ZNF557: variants seen among roughly 807,000 people sequenced by gnomAD.
ZNF557 encodes CTB-25J19.9.
ZNF557 carries 19 observed loss-of-function variants against 21.2 expected under a neutral mutation model. The ratio of observed to expected loss-of-function variants is 0.90; its 90% CI spans 0.63 to 1.32. The LOEUF (loss-of-function observed/expected upper bound fraction) is 1.32, where lower values mean the gene tolerates loss of function less well. Among genes scored for constraint, ZNF557 ranks in the 40% most tolerant of loss-of-function variants. ZNF557 has a pLI of 0.00. For synonymous variants in ZNF557, 207 were observed against 194.8 expected (o/e 1.06, Z -0.52); for missense variants, 487 against 519.8 (o/e 0.94, Z 0.61).
At chr19:7,077,166 C>T (rs188174249) in intron 5 of ZNF557, among the ~76,000 whole-genome samples, 89 of 76,010 alleles carry the variant, frequency 1.2e-3, no homozygotes, top group African/African-American at 3.3e-3. Context: ...GATGGAGTTT[C>T]ACTCTGTTAC....
At chr19:7,075,133 A>C in intron 3 of ZNF557, 28 bp downstream of exon 3, 1 of 1,613,940 alleles carries the variant, frequency 6.2e-7, no homozygotes, top group Non-Finnish European at 8.5e-7. Flanking sequence ...GGCAGTTCTC[A>C]GAGTCCAGGC....
Position 7,083,480 on chromosome 19 carries a change from T to C in ZNF557, c.1029T>C (p.Thr343=), listed in dbSNP as rs577565521. 1 of 1,614,226 alleles carries C rather than the reference T, an allele frequency of 6.2e-7. No homozygotes were observed. Among genetic ancestry groups the C allele is most frequent in the Admixed American group, 1.7e-5 (1 of 60,018 alleles). ...SNLTQHIRTH[T]GEKPYTCNEC... ...TGACACAGCACATAAGAACTCATAC[T>C]GGAGAAAAACCCTACACATGTAATG... The change falls in exon 8 of 8, where the codon ACT becomes ACC. Residue 343 remains threonine, a synonymous_variant. Coordinates refer to ENST00000252840, the MANE Select transcript of ZNF557 (RefSeq NM_024341.3).
In ZNF557 at chr19:7,081,150, GGTGTGTGTGTGTGTGT is replaced by G. The variant is rs531191945; in HGVS notation, c.248-174_248-159del. Among the ~76,000 whole-genome samples the G allele has an allele frequency of 3.2e-3, 441 of 139,178 alleles. 3 individuals carry two copies. Among genetic ancestry groups the G allele is most frequent in the Middle Eastern group, 0.014 (4 of 282 alleles). The allele number at this position is 139,178 out of a possible 152,430, so 91.3% of individuals were successfully genotyped here. On this transcript the variant is annotated intron_variant, in intron 5 of 7. Transcript: ENST00000252840. ...CAACCACCCTAGATATTGCTTGTGG[GGTGTGTGTGTGTGTGT>G]GTGTGTGTGTGTGTGTGTGTGTGTG... is the stretch of plus-strand genomic sequence containing the variant.
intron 5 of ZNF557, among the ~76,000 whole-genome samples, chr19:7,079,398 C>T (rs2967666): frequency 1.4e-4 from 21 of 148,614 alleles, no homozygotes; most frequent in East Asian, 6.0e-4. Context: ...CCCACCACCA[C>T]GCCTCGCTAA....
Position 7,087,716 on chromosome 19 carries a change from G to GTGTA in ZNF557, c.*3975_*3976insATGT. 1 of 151,984 alleles carries GTGTA rather than the reference G, an allele frequency of 6.6e-6. No homozygotes were observed. Among genetic ancestry groups the GTGTA allele is most frequent in the Non-Finnish European group, 1.5e-5 (1 of 68,064 alleles). The allele number at this position is 151,984 out of a possible 1,614,324, so 9.4% of individuals were successfully genotyped here. The stretch of plus-strand genomic sequence containing the variant: ...AGAGAGAGAGAGTGTGTGTGTGTGT[G>GTGTA]TGTGTGTTTGGTTGGGGGGTGTTGT... On this transcript the variant is annotated 3_prime_UTR_variant, in exon 8 of 8. Transcript: ENST00000252840.
intron 5 of ZNF557, among the ~76,000 whole-genome samples, chr19:7,080,895 T>C (rs1977685394): frequency 6.6e-6 from 1 of 152,170 alleles, no homozygotes; most frequent in Non-Finnish European, 1.5e-5. Context: ...CATTACTTCG[T>C]TTAAGTCCTT....
rs897731761 is a variant in ZNF557, at chr19:7,074,877, AG to A, written c.-79-116del. The A allele has an allele frequency of 2.5e-5, 16 of 628,932 alleles. No homozygotes were observed. In the East Asian group the frequency reaches 5.3e-4, roughly 21 times the overall value. The allele number at this position is 628,932 out of a possible 1,614,324, so 39.0% of individuals were successfully genotyped here. A position where few individuals can be genotyped will look rare whatever the true frequency, so the allele number is the denominator to read the frequency against. ...GGGCAGGAGGGGGGGTGACCGAGGCAGGGCACGGGCAGGAGACGGGGTGACC... is the reference window on the plus strand; with the variant it reads ...GGGCAGGAGGGGGGGTGACCGAGGCAGGCACGGGCAGGAGACGGGGTGACC... On this transcript the variant is annotated intron_variant, in intron 2 of 7. Transcript: ENST00000252840.
intron 5 of ZNF557, among the ~76,000 whole-genome samples, chr19:7,077,774 G>A (rs547188349): frequency 6.6e-6 from 1 of 152,226 alleles, no homozygotes; most frequent in Non-Finnish European, 1.5e-5. Flanking sequence ...CATGAGACCA[G>A]CAACGTATTA....
In ZNF557 at chr19:7,083,613, C is replaced by G; in HGVS notation, c.1162C>G (p.Leu388Val). Residue 388 changes from leucine to valine, a missense_variant, in exon 8 of 8, where the codon CTC (leucine) becomes GTC (valine). Transcript: ENST00000252840. ...TGATTGTGGAAAATCCTTTAATGTT[C>G]TCTCATCCGTTAAGAAACACATGAG... is the stretch of plus-strand genomic sequence containing the variant. ...CSDCGKSFNV[L>V]SSVKKHMRTH... 10 of 1,614,060 alleles carry G rather than the reference C, an allele frequency of 6.2e-6. No individual in the cohort carries two copies. The highest frequency in any genetic ancestry group is 1.1e-5 in the South Asian group (1 of 91,070).
In ZNF557 at chr19:7,075,642, TCTC is replaced by T. The variant is rs762561440; in HGVS notation, c.32-5_32-3del. On this transcript the variant is annotated splice_polypyrimidine_tract_variant and intron_variant, in intron 3 of 7. Coordinates refer to ENST00000252840, the MANE Select transcript of ZNF557 (RefSeq NM_024341.3). ...CAGGTGTGGATTCCTGGTACTCATTTCTCCTCCTCCAGCTCTGTCTTCCCTGTT... is the reference window on the plus strand; with the variant it reads ...CAGGTGTGGATTCCTGGTACTCATTTCTCCTCCAGCTCTGTCTTCCCTGTT... 8 of 1,612,496 alleles carry T rather than the reference TCTC, an allele frequency of 5.0e-6. No homozygotes were observed. The South Asian group carries it at 7.7e-5, about 15-fold the overall frequency.
At chr19:7,082,347 C>T (rs1977728289) in intron 7 of ZNF557, among the ~76,000 whole-genome samples, 1 of 143,476 alleles carries the variant, frequency 7.0e-6, no homozygotes. Context: ...CACTTGAACC[C>T]TGGAGGTGGA....
intron 2 of ZNF557, among the ~76,000 whole-genome samples, chr19:7,071,351 T>G (rs1183698135): frequency 6.6e-6 from 1 of 152,166 alleles, no homozygotes; most frequent in East Asian, 1.9e-4. Context: ...CAATTAAGAT[T>G]CCATAAAATT....
At position 7,083,288 on chromosome 19, in the gene ZNF557, C is replaced by T. The variant is rs767160408; in HGVS notation, c.837C>T (p.Phe279=). 3 of 1,614,198 alleles carry T rather than the reference C, an allele frequency of 1.9e-6. No homozygotes were observed. The highest frequency in any genetic ancestry group is 3.3e-5 in the Admixed American group (2 of 60,024). ...CFREFRTQSI[F]TRHKRVHTGE... ...GTGAGTTCCGCACTCAGTCAATCTTCACAAGGCACAAGAGAGTTCATACGG... is the reference window on the plus strand; with the variant it reads ...GTGAGTTCCGCACTCAGTCAATCTTTACAAGGCACAAGAGAGTTCATACGG... The change falls in exon 8 of 8, where the codon TTC becomes TTT. Residue 279 remains phenylalanine, a synonymous_variant. Coordinates refer to ENST00000252840, the MANE Select transcript of ZNF557 (RefSeq NM_024341.3).
In ZNF557 at chr19:7,081,446, A is replaced by G. The variant is rs568843529; in HGVS notation, c.334A>G (p.Thr112Ala). 2.7e-5 allele frequency: 43 copies of G among 1,611,798 alleles called. No individual in the cohort carries two copies. The South Asian group carries it at 3.2e-4, about 12-fold the overall frequency. Reference sequence around the variant, plus strand: ...AGAAGAGAGAGGAATTCTCTCAGGTACCTGTCCAGGTGAGCACCAGGTGGA... The same window carrying G: ...AGAAGAGAGAGGAATTCTCTCAGGTGCCTGTCCAGGTGAGCACCAGGTGGA... ...MTEERGILSGTCPDVENPFKA... is the reference protein window; with the variant it reads ...MTEERGILSGACPDVENPFKA... Residue 112 changes from threonine to alanine, a missense_variant, in exon 6 of 8, where the codon ACC (threonine) becomes GCC (alanine). Physicochemically the swap from Thr to Ala is moderately conservative, Grantham distance 58 (BLOSUM62 0). Coordinates refer to ENST00000252840, the MANE Select transcript of ZNF557 (RefSeq NM_024341.3).
intron 2 of ZNF557, among the ~76,000 whole-genome samples, chr19:7,073,440 GCCACTGTGCCTGGCTATAATA>G (rs1977507166): frequency 6.6e-6 from 1 of 152,178 alleles, no homozygotes; most frequent in Admixed American, 6.5e-5. Context: ...GCAGGCGTGA[GCCACTGTGCCTGGCTATAATA>G]CAGATTTTCT....
chr19:7,079,240 C>CTTTTTTTTTTT (rs71177151), intron 5 of ZNF557, among the ~76,000 whole-genome samples: 2 of 87,464 alleles, frequency 2.3e-5, no homozygotes, highest in Non-Finnish European at 4.5e-5. Context: ...TTTTTTGTTT[C>CTTTTTTTTTTT]TTTTTTTTTT....
chr19:7,077,379 ACCC>A (rs1977608399), intron 5 of ZNF557, among the ~76,000 whole-genome samples: 1 of 151,584 alleles, frequency 6.6e-6, no homozygotes, highest in Admixed American at 6.6e-5. Flanking sequence ...CAAGTGATCC[ACCC>A]ACCTCAGCCT....
At chr19:7,071,972 C>T (rs1002746662) in intron 2 of ZNF557, among the ~76,000 whole-genome samples, 40 of 148,246 alleles carry the variant, frequency 2.7e-4, no homozygotes, top group Admixed American at 1.3e-3. Flanking sequence ...AAAGATTACC[C>T]GGGCGTGGTG....
In ZNF557 at chr19:7,086,218, G is replaced by A. The variant is rs1045949764; in HGVS notation, c.*2474G>A. 3.5e-5 allele frequency: 2 copies of A among 56,954 alleles called. No individual in the cohort carries two copies. Among genetic ancestry groups the A allele is most frequent in the African/African-American group, 1.7e-4 (2 of 11,958 alleles). 3.5% of individuals were successfully genotyped at this position (56,954 alleles called of 1,614,324 possible). A position where few individuals can be genotyped will look rare whatever the true frequency, so the allele number is the denominator to read the frequency against. On this transcript the variant is annotated 3_prime_UTR_variant, in exon 8 of 8. Transcript: ENST00000252840. The stretch of plus-strand genomic sequence containing the variant: ...TTCACTCCAGCCTGGGCAAAAGAGT[G>A]CAACTCTGTCTCAAAAAAAAAAAAA...
Sources: allele counts gnomAD v4.1 joint callset (sites outside exome capture counted in the v4.1 genomes callset), GRCh38; gene constraint gnomAD v4.1.1; transcripts MANE v1.5; gene names NCBI Gene and HGNC (gene_info 2026-07-23, HGNC 2026-07-21).